OSBPL10: variants seen among roughly 807,000 people sequenced by gnomAD.
OSBPL10 encodes the protein oxysterol binding protein like 10.
In OSBPL10, 49 loss-of-function variants were observed where a neutral mutation model predicts 81.7. The observed-to-expected ratio is 0.60, with a 90% confidence interval of 0.48 to 0.76. The LOEUF is 0.76. Ranked by LOEUF, OSBPL10 falls within the 30% of genes least tolerant of loss-of-function variation. The pLI is 0.00. For missense variants in OSBPL10, 923 were observed against 987.8 expected, an observed-to-expected ratio of 0.93 and a Z score of 0.88; for synonymous variants, 419 against 383.6, an observed-to-expected ratio of 1.09 and a Z score of -1.08.
At chr3:31,721,982 C>G (rs1327911733) in intron 6 of OSBPL10, among the ~76,000 whole-genome samples, 1 of 152,164 alleles carries the variant, frequency 6.6e-6, no homozygotes, top group African/African-American at 2.4e-5. Context: ...GACTCCACAG[C>G]TGGGGCTCCA....
intron 3 of OSBPL10, among the ~76,000 whole-genome samples, chr3:31,862,000 G>A (rs966603169): frequency 3.3e-5 from 5 of 152,240 alleles, no homozygotes; most frequent in East Asian, 1.9e-4. Flanking sequence ...AGGGCTCTGA[G>A]CCAAGTGGAA....
At chr3:31,947,734 G>A (rs1697742638) in intron 1 of OSBPL10, among the ~76,000 whole-genome samples, 2 of 152,164 alleles carry the variant, frequency 1.3e-5, no homozygotes, top group African/African-American at 2.4e-5. Context: ...CAGGCTGGAG[G>A]AGAAAAATAG....
chr3:31,863,852 G>A (rs114957455), intron 3 of OSBPL10, among the ~76,000 whole-genome samples: 3,253 of 152,212 alleles, frequency 0.021, 117 homozygotes, highest in African/African-American at 0.073. Flanking sequence ...AAAATAAAAT[G>A]TGGTATCTTG....
chr3:31,790,756 C>T (rs920986183), intron 4 of OSBPL10, among the ~76,000 whole-genome samples: 1 of 151,206 alleles, frequency 6.6e-6, no homozygotes, highest in African/African-American at 2.4e-5. Context: ...TGATAATAAA[C>T]ACCACACTCT....
intron 8 of OSBPL10, among the ~76,000 whole-genome samples, chr3:31,676,390 G>T (rs559313901): frequency 1.6e-4 from 22 of 141,910 alleles, no homozygotes; most frequent in Admixed American, 6.8e-4. Context: ...ACAGCTAAGA[G>T]AAGCCAAAAA....
Position 31,980,147 on chromosome 3 carries a change from G to A in OSBPL10, c.281+752C>T, listed in dbSNP as rs1266613772. Among the ~76,000 whole-genome samples, 4 of 152,042 alleles carry A rather than the reference G, an allele frequency of 2.6e-5. No individual in the cohort carries two copies. In the East Asian group the frequency reaches 5.8e-4, roughly 22 times the overall value. ...AGCCTCCGGAGTAGCTGGAATTACA[G>A]GCGCGCCGCCACGCCCGGCTAATTT... On this transcript the variant is annotated intron_variant, in intron 1 of 11. Coordinates refer to ENST00000396556, the MANE Select transcript of OSBPL10 (RefSeq NM_017784.5).
intron 3 of OSBPL10, among the ~76,000 whole-genome samples, chr3:31,870,356 G>A (rs1701289008): frequency 6.6e-6 from 1 of 152,368 alleles, no homozygotes; most frequent in Non-Finnish European, 1.5e-5. Context: ...TTTCCCGCGG[G>A]GCAGGGCTCC....
chr3:31,827,307 G>GAA (rs370605020), intron 4 of OSBPL10, among the ~76,000 whole-genome samples: 4 of 148,456 alleles, frequency 2.7e-5, no homozygotes, highest in African/African-American at 9.9e-5. Flanking sequence ...TACGATAAAG[G>GAA]AAAAAAAAAA....
At chr3:31,772,580 G>A (rs879473769) in intron 4 of OSBPL10, among the ~76,000 whole-genome samples, 9 of 152,162 alleles carry the variant, frequency 5.9e-5, no homozygotes, top group Non-Finnish European at 5.9e-5. Context: ...CCCCCTCCAA[G>A]GGGCCCCAGA....
At chr3:32,044,777 T>A (rs1407177082) in intron 2 of OSBPL10, among the ~76,000 whole-genome samples, 2 of 145,740 alleles carry the variant, frequency 1.4e-5, no homozygotes, top group African/African-American at 2.5e-5. Flanking sequence ...TTCTGAATCC[T>A]AAATAACAGA....
intron 1 of OSBPL10, among the ~76,000 whole-genome samples, chr3:32,071,648 C>G (rs1040388805): frequency 6.6e-6 from 1 of 152,238 alleles, no homozygotes; most frequent in African/African-American, 2.4e-5. Context: ...AAATCACAAA[C>G]TATGCTCAAC....
chr3:31,836,815 A>G (rs1343677365), intron 3 of OSBPL10, among the ~76,000 whole-genome samples: 2 of 152,150 alleles, frequency 1.3e-5, no homozygotes, highest in Non-Finnish European at 2.9e-5. Flanking sequence ...TTGCAATTCC[A>G]AGTACCAAGA....
upstream of OSBPL10, among the ~76,000 whole-genome samples, chr3:31,983,887 T>G (rs143052719): frequency 1.3e-4 from 20 of 152,338 alleles, no homozygotes; most frequent in East Asian, 3.9e-3. Context: ...CAGTTTCATC[T>G]TGCTTGTTAC....
chr3:32,052,892 C>G (rs1197987167), intron 1 of OSBPL10, among the ~76,000 whole-genome samples: 1 of 152,102 alleles, frequency 6.6e-6, no homozygotes, highest in Non-Finnish European at 1.5e-5. Context: ...ATAGGTGCAG[C>G]AAACCACCAT....
intron 4 of OSBPL10, among the ~76,000 whole-genome samples, chr3:31,750,590 T>C (rs1046345048): frequency 6.6e-6 from 1 of 152,218 alleles, no homozygotes; most frequent in Non-Finnish European, 1.5e-5. Context: ...TTCTCTGACA[T>C]TTGTATGTAT....
At chr3:31,939,357 T>G (rs1159899328) in intron 1 of OSBPL10, among the ~76,000 whole-genome samples, 1 of 151,548 alleles carries the variant, frequency 6.6e-6, no homozygotes, top group Non-Finnish European at 1.5e-5. Flanking sequence ...ATTGGCCAGG[T>G]TGGTCTCAAA....
intron 2 of OSBPL10, among the ~76,000 whole-genome samples, chr3:32,023,238 G>A (rs1699374688): frequency 6.6e-6 from 1 of 152,138 alleles, no homozygotes; most frequent in South Asian, 2.1e-4. Flanking sequence ...GGAGGTAATT[G>A]AATCATGGGG....
intron 1 of OSBPL10, among the ~76,000 whole-genome samples, chr3:31,935,138 C>T (rs1273799986): frequency 6.6e-6 from 1 of 152,152 alleles, no homozygotes; most frequent in Non-Finnish European, 1.5e-5. Flanking sequence ...TCCTGGAAGC[C>T]TCTGCCCTGC....
intron 4 of OSBPL10, among the ~76,000 whole-genome samples, chr3:31,820,712 G>T (rs1400339365): frequency 6.6e-6 from 1 of 152,176 alleles, no homozygotes; most frequent in Non-Finnish European, 1.5e-5. Context: ...ACAGTGAGAA[G>T]CCGCTGTAAG....
Sources: allele counts gnomAD v4.1 joint callset (sites outside exome capture counted in the v4.1 genomes callset), GRCh38; gene constraint gnomAD v4.1.1; transcripts MANE v1.5; gene names NCBI Gene and HGNC (gene_info 2026-07-23, HGNC 2026-07-21).